The following BEND7 variants were observed in gnomAD, a reference collection of about 807,000 sequenced individuals.
BEND7 encodes the protein BEN domain containing 7, also known as BEN domain-containing protein 7.
In BEND7, 28 loss-of-function variants were observed where a neutral mutation model predicts 50.9. The ratio of observed to expected loss-of-function variants is 0.55; its 90% CI spans 0.41 to 0.75. BEND7 has a LOEUF of 0.75. Ranked by LOEUF, BEND7 falls within the 30% of genes least tolerant of loss-of-function variation. The pLI, the probability that BEND7 is intolerant of heterozygous loss-of-function variation, is 0.00. For missense variants in BEND7, 477 were observed against 491.3 expected, an observed-to-expected ratio of 0.97 and a Z score of 0.28; for synonymous variants, 170 against 183.9, an observed-to-expected ratio of 0.92 and a Z score of 0.61.
chr10:13,514,308 G>A (rs923352401), intron 2 of BEND7, among the ~76,000 whole-genome samples: 2 of 152,142 alleles, frequency 1.3e-5, no homozygotes, highest in African/African-American at 4.8e-5. Flanking sequence ...GAAAGCTGAC[G>A]GAAAACCACC....
chr10:13,474,613 C>T (rs1200075964), intron 6 of BEND7, among the ~76,000 whole-genome samples: 6 of 151,410 alleles, frequency 4.0e-5, no homozygotes, highest in Non-Finnish European at 5.9e-5. Flanking sequence ...GGACTCGGGT[C>T]GATACCCGTC....
chr10:13,462,257 C>T (rs1171501453), intron 6 of BEND7, among the ~76,000 whole-genome samples: 1 of 152,144 alleles, frequency 6.6e-6, no homozygotes, highest in Admixed American at 6.5e-5. Flanking sequence ...TTAATGGACT[C>T]ACAGTTTAAC....
rs948730277 is a variant in BEND7, at chr10:13,527,799, T to C, written c.61+674A>G. On this transcript the variant is annotated intron_variant, in intron 1 of 8. Coordinates refer to ENST00000466271, the MANE Select transcript of BEND7 (RefSeq NM_001369863.1). Reference sequence around the variant, plus strand: ...GAACACAGACAAGACTGTATTCCACTTTCCCCTCCCTGACAAAATACAAAC... The same window carrying C: ...GAACACAGACAAGACTGTATTCCACCTTCCCCTCCCTGACAAAATACAAAC... 1.1e-5 allele frequency: 11 copies of C among 976,918 alleles called. No individual in the cohort carries two copies. In the African/African-American group the frequency reaches 1.9e-4, roughly 17 times the overall value. 60.5% of individuals were successfully genotyped at this position (976,918 alleles called of 1,614,324 possible). A position where few individuals can be genotyped will look rare whatever the true frequency, so the allele number is the denominator to read the frequency against.
intron 8 of BEND7, chr10:13,446,308 T>G (rs963851112): frequency 2.0e-5 from 3 of 152,260 alleles, no homozygotes; most frequent in African/African-American, 7.2e-5. Flanking sequence ...CCTGCGAATG[T>G]GGCTTTCCTT....
In BEND7 at chr10:13,528,494, T is replaced by C; in HGVS notation, c.40A>G (p.Ser14Gly). 1 of 1,040,596 alleles carries C rather than the reference T, an allele frequency of 9.6e-7. No individual in the cohort carries two copies. The highest frequency in any genetic ancestry group is 1.2e-6 in the Non-Finnish European group (1 of 864,610). 64.5% of individuals were successfully genotyped at this position (1,040,596 alleles called of 1,614,324 possible). Residue 14 changes from serine (S) to glycine (G), a missense_variant, in exon 1 of 9, where the codon AGC becomes GGC. Ser to Gly is a moderately conservative substitution (Grantham distance 56). This residue lies in a region of BEND7 where 396 missense variants were observed against 384.2 expected (regional missense o/e 1.03). Coordinates refer to ENST00000466271, the MANE Select transcript of BEND7 (RefSeq NM_001369863.1). The stretch of plus-strand genomic sequence containing the variant: ...TTACCTCGGCTCACCAGTTTGAAGC[T>C]CTGGGATTTCCTGCTTCTTTTCCTC... Reference protein sequence around the residue: ...SERKRSRKSQSFKLVSRDYHH... With the variant: ...SERKRSRKSQGFKLVSRDYHH...
At chr10:13,473,857 C>T (rs374542213) in intron 6 of BEND7, among the ~76,000 whole-genome samples, 14 of 151,230 alleles carry the variant, frequency 9.3e-5, no homozygotes, top group East Asian at 5.9e-4. Flanking sequence ...TACCCATCAT[C>T]GCTGTTAGAC....
chr10:13,499,720 G>GAAAGA, intron 3 of BEND7, 58 bp downstream of exon 3: 1 of 880,322 alleles, frequency 1.1e-6, no homozygotes, highest in Non-Finnish European at 1.6e-6. Context: ...TGAATATTTA[G>GAAAGA]AAATAGAACA....
At chr10:13,500,886 G>A (rs938898042) in intron 2 of BEND7, 11 of 961,854 alleles carry the variant, frequency 1.1e-5, no homozygotes, top group Non-Finnish European at 1.2e-5. Context: ...CATGCCAAAC[G>A]CACTGCCACC....
rs991265797 is a variant in BEND7, at chr10:13,466,066, A to G, written c.1064-13408T>C. 5.3e-5 allele frequency among the ~76,000 whole-genome samples: 8 copies of G among 152,318 alleles called. No individual in the cohort carries two copies. In the East Asian group the frequency reaches 1.5e-3, roughly 29 times the overall value. On this transcript the variant is annotated intron_variant, in intron 6 of 8. Transcript: ENST00000466271. ...TATCAATTTAAGGAAGCACCCATTTATAATACAACTGTTGGGAAACAAGAA... is the reference window on the plus strand; with the variant it reads ...TATCAATTTAAGGAAGCACCCATTTGTAATACAACTGTTGGGAAACAAGAA...
chr10:13,473,780 G>A (rs2075150753), intron 6 of BEND7, among the ~76,000 whole-genome samples: 1 of 151,632 alleles, frequency 6.6e-6, no homozygotes, highest in South Asian at 2.1e-4. Context: ...TAGACTTGGG[G>A]GTGATACTCA....
At chr10:13,501,257 C>G (rs1032659996) in intron 2 of BEND7, among the ~76,000 whole-genome samples, 1 of 151,486 alleles carries the variant, frequency 6.6e-6, no homozygotes, top group Non-Finnish European at 1.5e-5. Context: ...GCCTGTAATC[C>G]CAGCTACTCA....
chr10:13,448,704 T>C (rs1294569842), intron 7 of BEND7, among the ~76,000 whole-genome samples: 1 of 152,122 alleles, frequency 6.6e-6, no homozygotes, highest in Non-Finnish European at 1.5e-5. Context: ...TTGGATTAGA[T>C]TAGCAACTGC....
chr10:13,505,843 G>A (rs1021527951), intron 2 of BEND7, among the ~76,000 whole-genome samples: 1 of 152,094 alleles, frequency 6.6e-6, no homozygotes, highest in South Asian at 2.1e-4. Flanking sequence ...AAATGTACCA[G>A]TGCTAATGTA....
intron 6 of BEND7, among the ~76,000 whole-genome samples, chr10:13,452,912 C>A (rs754830345): frequency 1.3e-5 from 2 of 152,178 alleles, no homozygotes; most frequent in Non-Finnish European, 2.9e-5. Context: ...GCTACTCTTT[C>A]TACTGGCTCC....
chr10:13,523,598 CA>C (rs1169866655), intron 2 of BEND7, among the ~76,000 whole-genome samples: 1 of 152,140 alleles, frequency 6.6e-6, no homozygotes, highest in African/African-American at 2.4e-5. Flanking sequence ...ATTTTGGTAC[CA>C]AACCCCCTTG....
At chr10:13,486,794 T>C (rs144290062) in intron 5 of BEND7, among the ~76,000 whole-genome samples, 5 of 152,376 alleles carry the variant, frequency 3.3e-5, no homozygotes, top group South Asian at 2.1e-4. Flanking sequence ...CTTTTAGAGA[T>C]GCTTTTAGCT....
At chr10:13,466,217 C>G (rs2074232713) in intron 6 of BEND7, among the ~76,000 whole-genome samples, 1 of 150,952 alleles carries the variant, frequency 6.6e-6, no homozygotes. Context: ...TGATGTTTGA[C>G]CGTTGAATCC....
At chr10:13,483,204 C>T (rs909356420) in intron 5 of BEND7, among the ~76,000 whole-genome samples, 1 of 152,144 alleles carries the variant, frequency 6.6e-6, no homozygotes, top group Non-Finnish European at 1.5e-5. Context: ...TACCATTAAA[C>T]AGGTACTTAA....
At chr10:13,488,071 ACT>A (rs1402167334) in intron 5 of BEND7, among the ~76,000 whole-genome samples, 2 of 137,420 alleles carry the variant, frequency 1.5e-5, no homozygotes, top group Non-Finnish European at 3.0e-5. Context: ...ACAGAGTGAG[ACT>A]CTGTCTCAAT....
Sources: gnomAD v4.1 joint callset for allele counts (sites outside exome capture counted in the v4.1 genomes callset) on GRCh38, gnomAD v4.1.1 for gene constraint, gnomAD v4.1.1 regional missense constraint, MANE v1.5 for transcripts, NCBI Gene and HGNC (gene_info 2026-07-23, HGNC 2026-07-21) for gene names.